The following ZNF529 variants were observed in gnomAD, a reference collection of about 807,000 sequenced individuals.
The protein encoded by ZNF529 is zinc finger protein 529.
In ZNF529, 11 loss-of-function variants were observed where a neutral mutation model predicts 10.1. That is an observed-to-expected ratio of 1.09 (90% CI 0.69 to 1.81). ZNF529 has a LOEUF of 1.81. Among genes scored for constraint, ZNF529 ranks in the 40% most tolerant of loss-of-function variants. The probability of loss-of-function intolerance (pLI) is 0.00; values close to 1 mark genes in which losing one functional copy is unlikely to be tolerated. For missense variants in ZNF529, 624 were observed against 666.8 expected (o/e 0.94, Z 0.71); for synonymous variants, 204 against 215.7 (o/e 0.95, Z 0.47).
At position 36,545,915 on chromosome 19, in the gene ZNF529, G is replaced by A. The variant is rs934435668; in HGVS notation, c.*951C>T. 2 of 151,604 alleles carry A rather than the reference G, an allele frequency of 1.3e-5. No individual in the cohort carries two copies. The highest frequency in any genetic ancestry group is 2.9e-5 in the Non-Finnish European group (2 of 67,916). The allele number at this position is 151,604 out of a possible 1,614,324, so 9.4% of individuals were successfully genotyped here. On this transcript the variant is annotated 3_prime_UTR_variant, in exon 5 of 5. Coordinates refer to ENST00000591340, the MANE Select transcript of ZNF529 (RefSeq NM_020951.5). ...ATATTTAAAAGAGTTCTCTTCATTT[G>A]GATCCTGGTTGGTATAGCCTGCAGG...
intron 1 of ZNF529, among the ~76,000 whole-genome samples, chr19:36,601,352 C>A (rs1247387856): frequency 6.6e-6 from 1 of 151,986 alleles, no homozygotes; most frequent in Non-Finnish European, 1.5e-5. Context: ...GATCCGCCTG[C>A]CTCGGCCTCC....
At chr19:36,553,811 A>T (rs1600257239) in intron 4 of ZNF529, among the ~76,000 whole-genome samples, 1 of 152,192 alleles carries the variant, frequency 6.6e-6, no homozygotes, top group South Asian at 2.1e-4. Flanking sequence ...ACAAAATCCT[A>T]AACTTTTTGA....
intron 2 of ZNF529, among the ~76,000 whole-genome samples, chr19:36,586,090 G>A (rs1183135923): frequency 6.6e-6 from 1 of 152,154 alleles, no homozygotes; most frequent in Non-Finnish European, 1.5e-5. Context: ...AACATTATAT[G>A]CTGTTTATTA....
At chr19:36,570,972 T>C (rs1348198810) in intron 2 of ZNF529, among the ~76,000 whole-genome samples, 1 of 152,212 alleles carries the variant, frequency 6.6e-6, no homozygotes, top group East Asian at 1.9e-4. Flanking sequence ...AACAAGAAAC[T>C]GTAAAGCGGA....
In ZNF529 at chr19:36,548,289, G is replaced by C; in HGVS notation, c.269C>G (p.Ser90Cys). 6.3e-7 allele frequency: 1 copy of C among 1,599,048 alleles called. No individual in the cohort carries two copies. The highest frequency in any genetic ancestry group is 1.7e-4 in the Middle Eastern group (1 of 6,020). Residue 90 changes from serine (S) to cysteine (C), a missense_variant, in exon 5 of 5, where the codon TCT becomes TGT. Physicochemically the swap from Ser to Cys is moderately radical, Grantham distance 112. Transcript: ENST00000591340. ...LESRNETKHL[S>C]VGKDIIQNTG... ...GTTTTGAATAATATCTTTTCCTACA[G>C]ATAAATGCTTAGTCTCATTCCTGGA...
chr19:36,580,438 C>T (rs1240222931), intron 2 of ZNF529: 4 of 152,150 alleles, frequency 2.6e-5, no homozygotes, highest in Non-Finnish European at 5.9e-5. Flanking sequence ...TTTACAGCAG[C>T]GTCACCACAA....
At position 36,578,454 on chromosome 19, in the gene ZNF529, C is replaced by T. The variant is rs559569640; in HGVS notation, c.-41+11161G>A. ...CCGAGTAGCTGGGACTATAGGTGCC[C>T]GCCACGATGCCCGGCTAATTTTTTG... On this transcript the variant is annotated intron_variant, in intron 2 of 4. Coordinates refer to the ZNF529 transcript ENST00000585960. 8.0e-5 allele frequency among the ~76,000 whole-genome samples: 12 copies of T among 150,924 alleles called. No homozygotes were observed. In the East Asian group the frequency reaches 9.8e-4, roughly 12 times the overall value.
At chr19:36,599,955 G>A (rs545596581) in intron 1 of ZNF529, among the ~76,000 whole-genome samples, 164 of 151,314 alleles carry the variant, frequency 1.1e-3, no homozygotes, top group African/African-American at 3.9e-3. Context: ...TGCAAACTCC[G>A]CCTCCCTAGT....
chr19:36,577,374 CACT>C (rs2036350249), upstream of ZNF529: 1 of 304,666 alleles, frequency 3.3e-6, no homozygotes, highest in South Asian at 2.5e-5. Context: ...CATGTTGCAC[CACT>C]GTTTCCCTTC....
intron 2 of ZNF529, among the ~76,000 whole-genome samples, chr19:36,570,360 C>CAAAAAAAAAAAAA (rs58429405): frequency 1.1e-4 from 8 of 70,576 alleles, no homozygotes; most frequent in East Asian, 3.8e-4. Context: ...GACCCTATCT[C>CAAAAAAAAAAAAA]AAAAAAAAAA....
At chr19:36,573,307 A>G (rs992794462), upstream of ZNF529, 2 of 361,778 alleles carry the variant, frequency 5.5e-6, no homozygotes, top group South Asian at 3.8e-5. Flanking sequence ...CCGGAAAAGG[A>G]AGCAAAGGTC....
Position 36,564,879 on chromosome 19 carries a change from T to G in ZNF529, c.14+7454A>C, listed in dbSNP as rs1600291165. Among the ~76,000 whole-genome samples the G allele has an allele frequency of 2.6e-5, 4 of 151,968 alleles. No homozygotes were observed. In the South Asian group the frequency reaches 8.3e-4, roughly 32 times the overall value. The stretch of plus-strand genomic sequence containing the variant: ...TCAACAGTGGCTTGGATAAAGAAAA[T>G]GTGGTATACATATGTCATGGAATAC... On this transcript the variant is annotated intron_variant, in intron 2 of 4. Coordinates refer to ENST00000591340, the MANE Select transcript of ZNF529 (RefSeq NM_020951.5).
chr19:36,556,334 C>A, intron 2 of ZNF529, 137 bp from the exon 3 acceptor site: 1 of 613,172 alleles, frequency 1.6e-6, no homozygotes, highest in Non-Finnish European at 3.0e-6. Flanking sequence ...GTCTAGACTC[C>A]GTGAACCAAA....
chr19:36,602,773 A>C (rs971303986), intron 1 of ZNF529, among the ~76,000 whole-genome samples: 1 of 152,122 alleles, frequency 6.6e-6, no homozygotes, highest in African/African-American at 2.4e-5. Context: ...TCTACTAAAA[A>C]TACAAAACTA....
intron 2 of ZNF529, among the ~76,000 whole-genome samples, chr19:36,567,429 A>G (rs1020934928): frequency 1.3e-5 from 2 of 152,116 alleles, no homozygotes; most frequent in African/African-American, 4.8e-5. Context: ...TCATGAACTT[A>G]TATTTGGCAA....
intron 2 of ZNF529, chr19:36,582,126 T>C (rs2145244460): frequency 6.6e-6 from 1 of 152,256 alleles, no homozygotes; most frequent in South Asian, 2.1e-4. Context: ...AGTGAGAGTT[T>C]GTAGGTTTCT....
chr19:36,572,281 T>C (rs1008440804), intron 2 of ZNF529, 52 bp downstream of exon 2: 32 of 1,547,388 alleles, frequency 2.1e-5, no homozygotes, highest in Admixed American at 3.9e-5. Context: ...CTGTTGTTAA[T>C]TGGGAAGAGA....
At chr19:36,554,384 C>A (rs537025152) in intron 4 of ZNF529, among the ~76,000 whole-genome samples, 2 of 152,252 alleles carry the variant, frequency 1.3e-5, no homozygotes, top group South Asian at 2.1e-4. Flanking sequence ...CAAGACCAGC[C>A]TGGCCAACAT....
intron 2 of ZNF529, among the ~76,000 whole-genome samples, chr19:36,566,052 T>TTA (rs2035885648): frequency 6.6e-6 from 1 of 152,182 alleles, no homozygotes; most frequent in Non-Finnish European, 1.5e-5. Flanking sequence ...TCTGGAATGT[T>TTA]TAAACCCTGC....
Sources: gnomAD v4.1 joint callset for allele counts (sites outside exome capture counted in the v4.1 genomes callset) on GRCh38, gnomAD v4.1.1 for gene constraint, MANE v1.5 for transcripts, NCBI Gene and HGNC (gene_info 2026-07-23, HGNC 2026-07-21) for gene names.